MAD1L1: variants seen among roughly 807,000 people sequenced by gnomAD.
MAD1L1 encodes mitotic arrest deficient 1 like 1.
Under a neutral mutation model 96.9 loss-of-function variants are expected in MAD1L1, and 95 were observed. That is an observed-to-expected ratio of 0.98 (90% CI 0.83 to 1.16). The LOEUF is 1.16. Ranked by LOEUF, MAD1L1 falls within the 50% of genes most tolerant of loss-of-function variation. MAD1L1 has a pLI of 0.00. For missense variants in MAD1L1, 1,007 were observed against 954.4 expected, an observed-to-expected ratio of 1.06 and a Z score of -0.73; for synonymous variants, 473 against 396.6, an observed-to-expected ratio of 1.19 and a Z score of -2.29.
intron 10 of MAD1L1, among the ~76,000 whole-genome samples, chr7:2,210,273 G>A (rs572449736): frequency 6.6e-5 from 10 of 152,130 alleles, no homozygotes; most frequent in East Asian, 3.9e-4. Context: ...TCTCAACTGC[G>A]TTCCCCAGGC....
At chr7:2,221,211 G>A (rs1374001599) in intron 5 of MAD1L1, among the ~76,000 whole-genome samples, 1 of 152,128 alleles carries the variant, frequency 6.6e-6, no homozygotes, top group Non-Finnish European at 1.5e-5. Context: ...TGCCCCTCAT[G>A]AAGTGCTCGG....
intron 17 of MAD1L1, among the ~76,000 whole-genome samples, chr7:1,899,144 G>A (rs1028317959): frequency 4.6e-5 from 7 of 152,220 alleles, no homozygotes; most frequent in Admixed American, 2.0e-4. Flanking sequence ...CACCCTGCCC[G>A]TCAGAGTTTA....
In MAD1L1 at chr7:1,861,203, C is replaced by T. The variant is rs546229439; in HGVS notation, c.1998+36997G>A. 6.8e-4 allele frequency among the ~76,000 whole-genome samples: 104 copies of T among 152,306 alleles called. 1 individual carries two copies. The South Asian group carries it at 0.02, about 29-fold the overall frequency. ...CGGGGCTGAGGCTGGGGCTCGGCCA[C>T]GGCTAGGCTCTGGGGAGCAGGGCAG... On this transcript the variant is annotated intron_variant, in intron 18 of 18. Coordinates refer to ENST00000265854, the MANE Select transcript of MAD1L1 (RefSeq NM_001013836.2).
At chr7:2,224,292 G>A (rs1793766225) in intron 4 of MAD1L1, among the ~76,000 whole-genome samples, 2 of 152,226 alleles carry the variant, frequency 1.3e-5, no homozygotes, top group South Asian at 2.1e-4. Flanking sequence ...GGGAATCTCA[G>A]TAGTTAGGGA....
At chr7:2,131,690 G>A (rs534292031) in intron 11 of MAD1L1, among the ~76,000 whole-genome samples, 83 of 152,222 alleles carry the variant, frequency 5.5e-4, no homozygotes, top group Middle Eastern at 3.4e-3. Context: ...GACAGCTCAG[G>A]TGTGTCCCCC....
At chr7:2,188,496 T>C (rs1309735884) in intron 10 of MAD1L1, among the ~76,000 whole-genome samples, 2 of 152,208 alleles carry the variant, frequency 1.3e-5, no homozygotes, top group African/African-American at 2.4e-5. Context: ...GACAGGCATA[T>C]GGACCCATGA....
At chr7:2,027,001 T>C (rs1783022342) in intron 12 of MAD1L1, among the ~76,000 whole-genome samples, 2 of 152,158 alleles carry the variant, frequency 1.3e-5, no homozygotes, top group South Asian at 4.2e-4. Context: ...TGAGACAGAT[T>C]ACAAAGAATA....
At chr7:2,219,757 GA>G (rs1299739086) in intron 5 of MAD1L1, among the ~76,000 whole-genome samples, 3 of 152,084 alleles carry the variant, frequency 2.0e-5, no homozygotes, top group African/African-American at 7.2e-5. Flanking sequence ...AGGTCAGGCA[GA>G]CGCTCACACG....
At chr7:1,880,371 T>G (rs1259474092) in intron 18 of MAD1L1, among the ~76,000 whole-genome samples, 1 of 152,090 alleles carries the variant, frequency 6.6e-6, no homozygotes, top group African/African-American at 2.4e-5. Flanking sequence ...GAGGCTGTCC[T>G]GGTTAGAGGA....
chr7:2,095,709 G>A (rs1170711287), intron 11 of MAD1L1, among the ~76,000 whole-genome samples: 2 of 152,246 alleles, frequency 1.3e-5, no homozygotes, highest in Non-Finnish European at 2.9e-5. Context: ...GGGGCACAGG[G>A]ACACACAGGC....
chr7:2,198,407 C>T (rs555566161), intron 10 of MAD1L1, among the ~76,000 whole-genome samples: 3 of 152,196 alleles, frequency 2.0e-5, no homozygotes, highest in Admixed American at 6.5e-5. Flanking sequence ...TACACACCCC[C>T]CTTCAAGCAA....
At chr7:1,854,470 G>A (rs989429603) in intron 18 of MAD1L1, 1 of 428,858 alleles carries the variant, frequency 2.3e-6, no homozygotes, top group Non-Finnish European at 4.7e-6. Context: ...TAAGGCACAG[G>A]CAGACTTGGT....
intron 18 of MAD1L1, among the ~76,000 whole-genome samples, chr7:1,827,129 G>C (rs188329641): frequency 0.013 from 1,958 of 152,316 alleles, 41 homozygotes; most frequent in African/African-American, 0.044. Context: ...AGTGGCATCC[G>C]CCACGGGCGG....
intron 12 of MAD1L1, among the ~76,000 whole-genome samples, chr7:2,015,062 T>A (rs972285784): frequency 6.6e-6 from 1 of 152,186 alleles, no homozygotes; most frequent in Non-Finnish European, 1.5e-5. Context: ...GCGTGACTCC[T>A]CTGAGTCCCA....
intron 11 of MAD1L1, among the ~76,000 whole-genome samples, chr7:2,120,030 AG>A (rs1466906482): frequency 2.0e-5 from 3 of 152,180 alleles, no homozygotes; most frequent in African/African-American, 7.2e-5. Flanking sequence ...TCCTCAGATC[AG>A]GCCCTCCAGC....
In MAD1L1 at chr7:2,094,115, T is replaced by A. The variant is rs118095045; in HGVS notation, c.1074-24777A>T. The stretch of plus-strand genomic sequence containing the variant: ...CCCGCTGGGAGCACACGCCCAGCCA[T>A]GAGCAAACTCACAGCCCTTGCTGAG... On this transcript the variant is annotated intron_variant, in intron 11 of 18. Coordinates refer to ENST00000265854, the MANE Select transcript of MAD1L1 (RefSeq NM_001013836.2). Among the ~76,000 whole-genome samples the A allele has an allele frequency of 6.5e-4, 99 of 152,204 alleles. 2 individuals are homozygous for A. The highest frequency in any genetic ancestry group is 1.0e-4 in the Non-Finnish European group (7 of 68,022).
chr7:1,887,304 C>T (rs1393183970), intron 18 of MAD1L1, among the ~76,000 whole-genome samples: 4 of 149,050 alleles, frequency 2.7e-5, no homozygotes, highest in African/African-American at 9.9e-5. Flanking sequence ...TGTGTGTGGG[C>T]ATGTGTGTGC....
At chr7:1,880,009 T>C (rs1164017583) in intron 18 of MAD1L1, among the ~76,000 whole-genome samples, 2 of 151,900 alleles carry the variant, frequency 1.3e-5, no homozygotes, top group Admixed American at 6.6e-5. Context: ...GGATTACAGG[T>C]GTGAGCCACT....
At chr7:1,857,587 G>C (rs1784320332) in intron 18 of MAD1L1, among the ~76,000 whole-genome samples, 2 of 152,236 alleles carry the variant, frequency 1.3e-5, no homozygotes, top group African/African-American at 4.8e-5. Context: ...CAGGTGAGGG[G>C]GCTGGGCCCG....
Sources: allele counts gnomAD v4.1 joint callset (sites outside exome capture counted in the v4.1 genomes callset), GRCh38; gene constraint gnomAD v4.1.1; transcripts MANE v1.5; gene names NCBI Gene and HGNC (gene_info 2026-07-23, HGNC 2026-07-21).